Variants in ARHGAP18 observed in about 807,000 individuals in gnomAD.
ARHGAP18 encodes the protein rho GTPase-activating protein 18.
Under a neutral mutation model 86.2 loss-of-function variants are expected in ARHGAP18, and 67 were observed. The observed-to-expected ratio is 0.78, with a 90% CI of 0.64 to 0.95. The LOEUF (loss-of-function observed/expected upper bound fraction) is 0.95. Among genes scored for constraint, ARHGAP18 ranks in the 40% least tolerant of loss-of-function variants. ARHGAP18 has a pLI of 0.00. For missense variants in ARHGAP18, 691 were observed against 780.4 expected (o/e 0.89, Z 1.37); for synonymous variants, 283 against 280.4 (o/e 1.01, Z -0.09).
intron 12 of ARHGAP18, among the ~76,000 whole-genome samples, chr6:129,584,852 A>C (rs1338014158): frequency 6.6e-6 from 1 of 152,166 alleles, no homozygotes; most frequent in East Asian, 1.9e-4. Flanking sequence ...AGCACGCACA[A>C]ATCATGTTCA....
intron 12 of ARHGAP18, among the ~76,000 whole-genome samples, chr6:129,590,371 T>C (rs946503115): frequency 1.3e-5 from 2 of 152,178 alleles, no homozygotes; most frequent in East Asian, 3.9e-4. Context: ...ATCTAGGATC[T>C]TTCTGATAGT....
At chr6:129,597,471 AT>A (rs1788637645) in intron 12 of ARHGAP18, among the ~76,000 whole-genome samples, 1 of 152,042 alleles carries the variant, frequency 6.6e-6, no homozygotes, top group African/African-American at 2.4e-5. Context: ...AACAACACTG[AT>A]TTATTTTTCA....
intron 5 of ARHGAP18, among the ~76,000 whole-genome samples, chr6:129,626,132 A>T: frequency 6.9e-6 from 1 of 144,926 alleles, no homozygotes; most frequent in Non-Finnish European, 1.5e-5. Context: ...CCTGGAAACA[A>T]TTCAGATGTC....
chr6:129,581,002 C>A (rs1788275677), intron 13 of ARHGAP18, among the ~76,000 whole-genome samples: 1 of 152,146 alleles, frequency 6.6e-6, no homozygotes, highest in Non-Finnish European at 1.5e-5. Flanking sequence ...GAGAAACCTG[C>A]TAAAAATTCA....
At chr6:129,605,592 CA>C (rs1788834394) in intron 10 of ARHGAP18, among the ~76,000 whole-genome samples, 1 of 151,254 alleles carries the variant, frequency 6.6e-6, no homozygotes, top group Non-Finnish European at 1.5e-5. Context: ...AGAAAAAAAA[CA>C]AAAAACCACC....
intron 1 of ARHGAP18, chr6:129,662,072 A>G (rs1353055511): frequency 5.2e-6 from 1 of 190,762 alleles, no homozygotes; most frequent in Non-Finnish European, 9.7e-6. Context: ...TACTCTCTGA[A>G]GGCTCCATGC....
chr6:129,620,826 C>A lies in ARHGAP18; in HGVS notation c.787-1974G>T, dbSNP rs368760078. ...CAATATCCTTCCAAAAAGTTCAGAA[C>A]TATTTTAATAATTAGTAATGAGGCA... is the stretch of plus-strand genomic sequence containing the variant. On this transcript the variant is annotated intron_variant, in intron 5 of 14. Coordinates refer to ENST00000368149, the MANE Select transcript of ARHGAP18 (RefSeq NM_033515.3). Among the ~76,000 whole-genome samples, 54 of 152,290 alleles carry A rather than the reference C, an allele frequency of 3.5e-4. No homozygotes were observed. The South Asian group carries it at 9.5e-3, about 27-fold the overall frequency.
intron 10 of ARHGAP18, among the ~76,000 whole-genome samples, chr6:129,603,222 T>C (rs1233223189): frequency 6.6e-6 from 1 of 152,128 alleles, no homozygotes; most frequent in Non-Finnish European, 1.5e-5. Flanking sequence ...TAGCTCCTAC[T>C]TATAAGTGAG....
intron 6 of ARHGAP18, among the ~76,000 whole-genome samples, chr6:129,616,923 T>A (rs562334835): frequency 6.6e-6 from 1 of 152,322 alleles, no homozygotes; most frequent in South Asian, 2.1e-4. Context: ...ACCACTGCAC[T>A]GTAGCCTCAG....
rs1469187061 is a variant in ARHGAP18, at chr6:129,577,310, A to G, written c.*1203T>C. 2 of 152,176 alleles carry G rather than the reference A, an allele frequency of 1.3e-5. No homozygotes were observed. The highest frequency in any genetic ancestry group is 2.9e-5 in the Non-Finnish European group (2 of 68,022). 9.4% of individuals were successfully genotyped at this position (152,176 alleles called of 1,614,324 possible). ...TGTAGTTTTTCCTAAAGTACTACTA[A>G]AAGTATCATGAACACCGTTTGTGCA... On this transcript the variant is annotated 3_prime_UTR_variant, in exon 15 of 15. Transcript: ENST00000368149.
chr6:129,646,943 G>T (rs190518069), intron 1 of ARHGAP18, among the ~76,000 whole-genome samples: 16 of 152,224 alleles, frequency 1.1e-4, no homozygotes, highest in Admixed American at 1.0e-3. Flanking sequence ...AACACATAAT[G>T]GGTCTGAAAA....
intron 1 of ARHGAP18, among the ~76,000 whole-genome samples, chr6:129,672,673 A>G (rs1173095465): frequency 1.3e-5 from 2 of 152,220 alleles, no homozygotes; most frequent in Non-Finnish European, 2.9e-5. Context: ...CAATCAACCT[A>G]TAGGAAACAA....
At chr6:129,682,304 C>A (rs559170604) in intron 1 of ARHGAP18, among the ~76,000 whole-genome samples, 6 of 152,162 alleles carry the variant, frequency 3.9e-5, no homozygotes, top group Non-Finnish European at 7.3e-5. Context: ...ACAACCCACG[C>A]CTTTCTCTTT....
In ARHGAP18 at chr6:129,607,996, A is replaced by C. The variant is rs746644557; in HGVS notation, c.1179T>G (p.Ser393Arg). The change falls in exon 9 of 15, where the codon AGT becomes AGG. Residue 393 changes from serine to arginine, a missense_variant. Transcript: ENST00000368149. ...KFYEGTFNWE[S>R]VKQHDAASLL... The stretch of plus-strand genomic sequence containing the variant: ...GGCTGGCGGCATCATGCTGTTTGAC[A>C]CTTTCCCAATTAAAAGTCCCTTCAT... 5 of 1,605,308 alleles carry C rather than the reference A, an allele frequency of 3.1e-6. No homozygotes were observed. The South Asian group carries it at 5.5e-5, about 18-fold the overall frequency.
At chr6:129,633,931 T>C (rs761449143) in intron 4 of ARHGAP18, 111 bp downstream of exon 4, 50 of 930,660 alleles carry the variant, frequency 5.4e-5, no homozygotes, top group Non-Finnish European at 7.6e-5. Flanking sequence ...TACATTAACA[T>C]TTTAATAGAA....
At chr6:129,661,627 CCA>C (rs1314716907) in intron 1 of ARHGAP18, among the ~76,000 whole-genome samples, 1 of 152,000 alleles carries the variant, frequency 6.6e-6, no homozygotes, top group Admixed American at 6.6e-5. Context: ...CCTCTGCATG[CCA>C]CAGTCTCCTC....
intron 5 of ARHGAP18, among the ~76,000 whole-genome samples, chr6:129,625,900 AT>A (rs1387304310): frequency 1.4e-5 from 1 of 73,944 alleles, no homozygotes; most frequent in African/African-American, 5.2e-5. Flanking sequence ...TATATTATAT[AT>A]TTATATATTA....
chr6:129,684,261 G>A (rs1465797030), intron 1 of ARHGAP18, among the ~76,000 whole-genome samples: 1 of 152,194 alleles, frequency 6.6e-6, no homozygotes, highest in South Asian at 2.1e-4. Context: ...CAGCAAAAAT[G>A]CATGTGCAAA....
chr6:129,686,820 C>T (rs771305356), intron 1 of ARHGAP18, among the ~76,000 whole-genome samples: 8 of 131,326 alleles, frequency 6.1e-5, no homozygotes, highest in Non-Finnish European at 9.4e-5. Flanking sequence ...GATGGAGTCT[C>T]GCTCTCGTGG....
Sources: allele counts gnomAD v4.1 joint callset (sites outside exome capture counted in the v4.1 genomes callset), GRCh38; gene constraint gnomAD v4.1.1; transcripts MANE v1.5; gene names NCBI Gene and HGNC (gene_info 2026-07-23, HGNC 2026-07-21).